The following DPF3 variants were observed in gnomAD, a reference collection of about 807,000 sequenced individuals.
DPF3 encodes the protein double PHD fingers 3.
DPF3 carries 18 observed loss-of-function variants against 56.8 expected under a neutral mutation model. That is an observed-to-expected ratio of 0.32 (90% CI 0.22 to 0.47). The LOEUF (loss-of-function observed/expected upper bound fraction) is 0.47. Ranked by LOEUF, DPF3 falls within the 20% of genes least tolerant of loss-of-function variation. DPF3 has a pLI of 1.00. For missense variants in DPF3, 403 were observed against 488.8 expected (o/e 0.82, Z 1.65); for synonymous variants, 188 against 180.2 (o/e 1.04, Z -0.35).
At position 72,611,908 on chromosome 14, in the gene DPF3, C is replaced by T. The variant is rs1379419649; in HGVS notation, c.*7389G>A. ...CATATACTTACACCTTCCGTGATGG[C>T]GCGATACTTGACCTACAATCACGAT... On this transcript the variant is annotated 3_prime_UTR_variant, in exon 11 of 11. Transcript: ENST00000556509. 1.3e-5 allele frequency among the ~76,000 whole-genome samples: 2 copies of T among 152,090 alleles called. No homozygotes were observed. The highest frequency in any genetic ancestry group is 4.8e-5 in the African/African-American group (2 of 41,416).
chr14:72,764,574 C>T (rs1358106345), intron 2 of DPF3, among the ~76,000 whole-genome samples: 2 of 149,306 alleles, frequency 1.3e-5, no homozygotes, highest in South Asian at 4.3e-4. Context: ...CTGCAAGCTC[C>T]GCCTCCCGGG....
intron 3 of DPF3, among the ~76,000 whole-genome samples, chr14:72,740,935 C>T (rs545048609): frequency 7.6e-4 from 116 of 152,086 alleles, no homozygotes; most frequent in African/African-American, 6.7e-4. Context: ...GGCATGGTGG[C>T]GCATGCCTGA....
intron 3 of DPF3, chr14:72,742,491 A>C (rs1599401064): frequency 2.0e-5 from 3 of 150,810 alleles, no homozygotes; most frequent in South Asian, 2.1e-4. Context: ...GTTCTTGCCC[A>C]CCCCCGCCTG....
chr14:72,690,973 G>A (rs1307787636), intron 7 of DPF3, among the ~76,000 whole-genome samples: 1 of 152,210 alleles, frequency 6.6e-6, no homozygotes, highest in Non-Finnish European at 1.5e-5. Context: ...AGGGAAAAGA[G>A]GAGAGAAAGG....
intron 2 of DPF3, among the ~76,000 whole-genome samples, chr14:72,757,564 C>A (rs913743341): frequency 2.0e-5 from 3 of 151,890 alleles, no homozygotes; most frequent in Non-Finnish European, 4.4e-5. Flanking sequence ...AGTGACTACC[C>A]CTGCTCAGAA....
intron 4 of DPF3, among the ~76,000 whole-genome samples, chr14:72,731,007 A>C (rs2139854817): frequency 6.6e-6 from 1 of 152,142 alleles, no homozygotes; most frequent in East Asian, 1.9e-4. Context: ...ATCTCTACTA[A>C]AAATACAAAA....
At chr14:72,767,780 C>A (rs11622568) in intron 2 of DPF3, among the ~76,000 whole-genome samples, 41,608 of 92,222 alleles carry the variant, frequency 0.45, 7,500 homozygotes, top group Middle Eastern at 0.51. Flanking sequence ...AAAAAAAAAA[C>A]CCCATAAACC....
At chr14:72,714,368 G>A (rs1888802194) in intron 6 of DPF3, 55 bp downstream of exon 6, 1 of 1,597,342 alleles carries the variant, frequency 6.3e-7, no homozygotes, top group Non-Finnish European at 8.6e-7. Context: ...AGGGAAGAGG[G>A]GCCCTGGGGG....
rs35754238 is a variant in DPF3 at position 72,750,791 on chromosome 14, C to CAAAAAAA, written c.301+2466_301+2472dup. Among the ~76,000 whole-genome samples the CAAAAAAA allele has an allele frequency of 1.5e-3, 99 of 65,946 alleles. 9 individuals carry two copies. The highest frequency in any genetic ancestry group is 6.4e-3 in the African/African-American group (96 of 14,946). The allele number at this position is 65,946 out of a possible 152,430, so 43.3% of individuals were successfully genotyped here. On this transcript the variant is annotated intron_variant, in intron 3 of 10. Coordinates refer to ENST00000556509, the MANE Select transcript of DPF3 (RefSeq NM_001280542.3). ...CATGGATTATCTCTTGAAAGAATCT[C>CAAAAAAA]AAAAAAAAAAAAAAAAAAAAAAAAA...
intron 1 of DPF3, among the ~76,000 whole-genome samples, chr14:72,796,004 T>C (rs888168867): frequency 1.3e-5 from 2 of 152,234 alleles, no homozygotes; most frequent in Admixed American, 1.3e-4. Context: ...TCCAATTCTG[T>C]GTATGTACAA....
intron 6 of DPF3, among the ~76,000 whole-genome samples, chr14:72,694,540 C>T (rs921943988): frequency 6.6e-6 from 1 of 152,186 alleles, no homozygotes; most frequent in South Asian, 2.1e-4. Flanking sequence ...TTATCCAATA[C>T]CCTTATTACT....
At chr14:72,893,154 G>A (rs1474918699) in intron 1 of DPF3, among the ~76,000 whole-genome samples, 4 of 152,144 alleles carry the variant, frequency 2.6e-5, no homozygotes, top group Admixed American at 2.0e-4. Flanking sequence ...TCCCCGAGGC[G>A]GCCAGAGGCA....
chr14:72,672,912 G>A (rs1026108763), intron 8 of DPF3, among the ~76,000 whole-genome samples: 7 of 151,672 alleles, frequency 4.6e-5, no homozygotes, highest in Non-Finnish European at 4.4e-5. Context: ...AATTTCATCT[G>A]TTTTTTTTAA....
chr14:72,710,613 C>G (rs1272295338), intron 6 of DPF3, among the ~76,000 whole-genome samples: 1 of 152,216 alleles, frequency 6.6e-6, no homozygotes, highest in Non-Finnish European at 1.5e-5. Context: ...GATTCTGATA[C>G]CGGAGGTCTG....
chr14:72,630,283 C>T (rs1001901820), intron 8 of DPF3, among the ~76,000 whole-genome samples: 1 of 152,212 alleles, frequency 6.6e-6, no homozygotes, highest in Admixed American at 6.5e-5. Context: ...CATGCCCACA[C>T]TCATGAGACT....
chr14:72,780,808 G>A lies in DPF3; in HGVS notation c.33-8915C>T, dbSNP rs1458640762. On this transcript the variant is annotated intron_variant, in intron 1 of 10. Coordinates refer to ENST00000556509, the MANE Select transcript of DPF3 (RefSeq NM_001280542.3). ...AAGAAGCTCACTGATTCTCAATGCT[G>A]CTGACATCAGACCTATGCCAGGAAA... 2.0e-5 allele frequency among the ~76,000 whole-genome samples: 3 copies of A among 152,028 alleles called. No individual in the cohort carries two copies. The East Asian group carries it at 5.8e-4, about 29-fold the overall frequency.
At chr14:72,811,892 G>C (rs1048805204) in intron 1 of DPF3, among the ~76,000 whole-genome samples, 2 of 152,076 alleles carry the variant, frequency 1.3e-5, no homozygotes, top group Admixed American at 6.6e-5. Context: ...GCTTGCTCCA[G>C]GGCACCCAGC....
In DPF3 at chr14:72,612,515, C is replaced by A. The variant is rs1344796479; in HGVS notation, c.*6782G>T. On this transcript the variant is annotated 3_prime_UTR_variant, in exon 11 of 11. Transcript: ENST00000556509. ...GGGTATATTTTCTTTTTCCTATACGCCACTGTTGCTTCCCACTTCCCACCT... is the reference window on the plus strand; with the variant it reads ...GGGTATATTTTCTTTTTCCTATACGACACTGTTGCTTCCCACTTCCCACCT... The A allele has an allele frequency of 1.9e-6, 1 of 518,556 alleles. No individual in the cohort carries two copies. Among genetic ancestry groups the A allele is most frequent in the African/African-American group, 1.9e-5 (1 of 51,808 alleles). The allele number at this position is 518,556 out of a possible 1,614,324, so 32.1% of individuals were successfully genotyped here. A position where few individuals can be genotyped will look rare whatever the true frequency, so the allele number is the denominator to read the frequency against.
At chr14:72,623,119 CAT>C (rs1034050613) in intron 9 of DPF3, among the ~76,000 whole-genome samples, 10 of 152,150 alleles carry the variant, frequency 6.6e-5, no homozygotes, top group African/African-American at 1.7e-4. Flanking sequence ...TATACACACA[CAT>C]GTTTACATTT....
Sources: gnomAD v4.1 joint callset for allele counts (sites outside exome capture counted in the v4.1 genomes callset) on GRCh38, gnomAD v4.1.1 for gene constraint, MANE v1.5 for transcripts, NCBI Gene and HGNC (gene_info 2026-07-23, HGNC 2026-07-21) for gene names.